PRKAR2B: variants seen among roughly 807,000 people sequenced by gnomAD.
PRKAR2B encodes protein kinase cAMP-dependent type II regulatory subunit beta.
In PRKAR2B, 14 loss-of-function variants were observed where a neutral mutation model predicts 49.9. The observed-to-expected ratio is 0.28, with a 90% CI of 0.19 to 0.44. PRKAR2B has a LOEUF of 0.44. PRKAR2B is among the 20% of genes least tolerant of loss of function. The pLI, the probability that PRKAR2B is intolerant of heterozygous loss-of-function variation, is 1.00. For synonymous variants in PRKAR2B, 196 were observed against 197.7 expected, an observed-to-expected ratio of 0.99 and a Z score of 0.07; for missense variants, 393 against 537.9, an observed-to-expected ratio of 0.73 and a Z score of 2.67.
chr7:107,051,013 C>T (rs1302410049), intron 1 of PRKAR2B, among the ~76,000 whole-genome samples: 1 of 152,094 alleles, frequency 6.6e-6, no homozygotes, highest in Non-Finnish European at 1.5e-5. Context: ...AAGACACCAT[C>T]CTTTTGTCAG....
intron 8 of PRKAR2B, among the ~76,000 whole-genome samples, chr7:107,156,629 C>T (rs1484431358): frequency 6.6e-6 from 1 of 151,946 alleles, no homozygotes; most frequent in Non-Finnish European, 1.5e-5. Flanking sequence ...CACGTTGAAA[C>T]CCCGTCTCTA....
chr7:107,117,532 C>T (rs774808620), intron 2 of PRKAR2B, among the ~76,000 whole-genome samples: 3 of 152,152 alleles, frequency 2.0e-5, no homozygotes, highest in Non-Finnish European at 4.4e-5. Context: ...GTGTGCAAGA[C>T]TCTGCCAGAG....
At chr7:107,058,698 G>C (rs1793962990) in intron 1 of PRKAR2B, among the ~76,000 whole-genome samples, 1 of 152,032 alleles carries the variant, frequency 6.6e-6, no homozygotes, top group African/African-American at 2.4e-5. Context: ...AGGTATTTTA[G>C]TGTTTGAATT....
intron 1 of PRKAR2B, among the ~76,000 whole-genome samples, chr7:107,066,301 G>GGGGGGGTGTGTGTGT (rs147673007): frequency 6.9e-6 from 1 of 145,512 alleles, no homozygotes; most frequent in African/African-American, 2.6e-5. Context: ...CTCTATGTGG[G>GGGGGGGTGTGTGTGT]GTGTGTGTGT....
intron 2 of PRKAR2B, among the ~76,000 whole-genome samples, chr7:107,096,977 G>T (rs1220014675): frequency 6.6e-6 from 1 of 152,204 alleles, no homozygotes; most frequent in African/African-American, 2.4e-5. Context: ...TGAGAAGAAT[G>T]TATGTTCTGT....
chr7:107,119,370 C>T (rs1296045135), intron 2 of PRKAR2B, among the ~76,000 whole-genome samples: 1 of 152,192 alleles, frequency 6.6e-6, no homozygotes, highest in Admixed American at 6.5e-5. Context: ...TAATGCTCTG[C>T]TCTTGTTGTC....
intron 2 of PRKAR2B, chr7:107,077,237 A>G (rs1794415700): frequency 6.6e-6 from 1 of 152,200 alleles, no homozygotes; most frequent in Non-Finnish European, 1.5e-5. Flanking sequence ...TTAATATACT[A>G]GTTTATTCAG....
At chr7:107,066,896 A>G (rs967699964) in intron 1 of PRKAR2B, 1 of 151,002 alleles carries the variant, frequency 6.6e-6, no homozygotes, top group African/African-American at 2.4e-5. Flanking sequence ...CTTCAGAAAA[A>G]CCCCCTGAAA....
intron 6 of PRKAR2B, among the ~76,000 whole-genome samples, chr7:107,147,603 G>T (rs1211835211): frequency 1.3e-5 from 2 of 152,224 alleles, no homozygotes; most frequent in Non-Finnish European, 2.9e-5. Flanking sequence ...CTGATTCAGT[G>T]GTTCTGGGGT....
rs1468762451 is a variant in PRKAR2B, at chr7:107,153,062, A to G, written c.844-115A>G. The G allele has an allele frequency of 1.3e-5, 7 of 555,154 alleles. 1 individual carries two copies. Among genetic ancestry groups the G allele is most frequent in the South Asian group, 9.8e-5 (3 of 30,616 alleles). The allele number at this position is 555,154 out of a possible 1,614,324, so 34.4% of individuals were successfully genotyped here. ...AATTAATACAACAAACACATATACA[A>G]CCTACACACTGCTCGATTTATTTGG... On this transcript the variant is annotated intron_variant, in intron 7 of 10. Transcript: ENST00000265717.
In PRKAR2B at chr7:107,065,313, GGTGTGTGTATGTGT is replaced by G. The variant is rs1474027900; in HGVS notation, c.308-4959_308-4946del. On this transcript the variant is annotated intron_variant, in intron 1 of 10. Transcript: ENST00000265717. ...TTGTTTTTTATTTTTGTTTGCTCGG[GGTGTGTGTATGTGT>G]GTGTGTGTGTGTGTGTGTGTGTGTG... is the stretch of plus-strand genomic sequence containing the variant. 1.5e-4 allele frequency among the ~76,000 whole-genome samples: 19 copies of G among 130,398 alleles called. 1 individual carries two copies. The highest frequency in any genetic ancestry group is 1.3e-3 in the South Asian group (5 of 3,884). 85.5% of individuals were successfully genotyped at this position (130,398 alleles called of 152,430 possible).
At chr7:107,103,254 T>A (rs1341997590) in intron 2 of PRKAR2B, among the ~76,000 whole-genome samples, 2 of 152,216 alleles carry the variant, frequency 1.3e-5, no homozygotes, top group African/African-American at 4.8e-5. Flanking sequence ...TTAACAATGT[T>A]ATAGTAAAAC....
At chr7:107,143,466 T>G (rs1199912428) in intron 5 of PRKAR2B, among the ~76,000 whole-genome samples, 2 of 152,248 alleles carry the variant, frequency 1.3e-5, no homozygotes, top group African/African-American at 4.8e-5. Flanking sequence ...TGCCATTGTT[T>G]GTGGTTGCTC....
chr7:107,049,249 A>T (rs1437622947), intron 1 of PRKAR2B, among the ~76,000 whole-genome samples: 1 of 152,232 alleles, frequency 6.6e-6, no homozygotes, highest in African/African-American at 2.4e-5. Flanking sequence ...AACAAAATTA[A>T]CTACACATGG....
Position 107,045,211 on chromosome 7 carries a change from A to G in PRKAR2B, c.304A>G (p.Asn102Asp). The G allele has an allele frequency of 6.9e-7, 1 of 1,450,492 alleles. No homozygotes were observed. The highest frequency in any genetic ancestry group is 9.1e-7 in the Non-Finnish European group (1 of 1,102,794). 89.9% of individuals were successfully genotyped at this position (1,450,492 alleles called of 1,614,324 possible). Residue 102 changes from asparagine (N) to aspartate (D), a missense_variant, in exon 1 of 11, where the codon AAT becomes GAT. Asn to Asp is a conservative substitution (Grantham distance 23, BLOSUM62 1). This residue lies in a region of PRKAR2B where 160 missense variants were observed against 147.6 expected (regional missense o/e 1.08). Transcript: ENST00000265717. ...EAAPADAGAF[N>D]APVINRFTRR... ...GGCGCCCGCGGACGCAGGGGCGTTC[A>G]ATGGTGAGGACCAGACCCCCCACTT... is the stretch of plus-strand genomic sequence containing the variant.
chr7:107,132,245 C>T lies in PRKAR2B; in HGVS notation c.480+3950C>T, dbSNP rs1007546471. On this transcript the variant is annotated intron_variant, in intron 4 of 10. Coordinates refer to ENST00000265717, the MANE Select transcript of PRKAR2B (RefSeq NM_002736.3). The stretch of plus-strand genomic sequence containing the variant: ...GCAACCATCCAGTGATGGATGGCCT[C>T]CATCTAGTGATGGGAGTGATGGAGC... Among the ~76,000 whole-genome samples the T allele has an allele frequency of 5.9e-5, 9 of 152,256 alleles. 1 individual carries two copies. The highest frequency in any genetic ancestry group is 5.2e-4 in the Admixed American group (8 of 15,284).
At chr7:107,071,648 G>A (rs1188242595) in intron 2 of PRKAR2B, among the ~76,000 whole-genome samples, 1 of 152,184 alleles carries the variant, frequency 6.6e-6, no homozygotes, top group African/African-American at 2.4e-5. Flanking sequence ...TCTTCATGAG[G>A]TGAAATTCTT....
At chr7:107,123,619 A>C (rs1795428098) in intron 3 of PRKAR2B, among the ~76,000 whole-genome samples, 1 of 152,160 alleles carries the variant, frequency 6.6e-6, no homozygotes, top group Admixed American at 6.5e-5. Flanking sequence ...TGTGTCTCTC[A>C]GTTCAAAATT....
chr7:107,095,932 G>A (rs1180795408), intron 2 of PRKAR2B, among the ~76,000 whole-genome samples: 6 of 152,130 alleles, frequency 3.9e-5, no homozygotes, highest in Non-Finnish European at 5.9e-5. Context: ...TTTTTGCATC[G>A]ATGTTCATCA....
Sources: allele counts gnomAD v4.1 joint callset (sites outside exome capture counted in the v4.1 genomes callset), GRCh38; gene constraint gnomAD v4.1.1; regional missense constraint gnomAD v4.1.1; transcripts MANE v1.5; gene names NCBI Gene and HGNC (gene_info 2026-07-23, HGNC 2026-07-21).